The following SPAG16 variants were observed in gnomAD, a reference collection of about 807,000 sequenced individuals.
The protein encoded by SPAG16 is sperm-associated antigen 16 protein.
SPAG16 carries 86 observed loss-of-function variants against 80.4 expected under a neutral mutation model. That is an observed-to-expected ratio of 1.07 (90% confidence interval 0.90 to 1.28). SPAG16 has a LOEUF of 1.28. Ranked by LOEUF, SPAG16 falls within the 50% of genes most tolerant of loss-of-function variation. The pLI is 0.00. For missense variants in SPAG16, 870 were observed against 765.3 expected (o/e 1.14, Z -1.61); for synonymous variants, 294 against 265.9 (o/e 1.11, Z -1.03).
In SPAG16 at chr2:213,533,534, G is replaced by A. The variant is rs184219905; in HGVS notation, c.1070+43444G>A. Among the ~76,000 whole-genome samples, 21 of 152,180 alleles carry A rather than the reference G, an allele frequency of 1.4e-4. No individual in the cohort carries two copies. The East Asian group carries it at 1.5e-3, about 11-fold the overall frequency. ...TTTGACATCCTCTTACTGAATTTGC[G>A]TGTTGTGAACCGAATGGTACCATAG... is the stretch of plus-strand genomic sequence containing the variant. On this transcript the variant is annotated intron_variant, in intron 10 of 15. Coordinates refer to ENST00000331683, the MANE Select transcript of SPAG16 (RefSeq NM_024532.5).
intron 15 of SPAG16, among the ~76,000 whole-genome samples, chr2:214,308,452 G>T (rs1695074852): frequency 6.6e-6 from 1 of 152,114 alleles, no homozygotes; most frequent in Non-Finnish European, 1.5e-5. Flanking sequence ...TTATTTTGCA[G>T]ATTTGTTTAT....
chr2:214,314,609 C>T (rs147270295), intron 15 of SPAG16, among the ~76,000 whole-genome samples: 27 of 152,148 alleles, frequency 1.8e-4, no homozygotes, highest in African/African-American at 6.5e-4. Flanking sequence ...GGAATGACTG[C>T]TTTTAGGATA....
intron 12 of SPAG16, among the ~76,000 whole-genome samples, chr2:213,936,411 G>T (rs938805099): frequency 9.9e-5 from 15 of 152,170 alleles, no homozygotes; most frequent in African/African-American, 3.6e-4. Context: ...ACTCTAATAA[G>T]ATGACTCTGG....
At chr2:213,381,367 C>T (rs1198190488) in intron 9 of SPAG16, among the ~76,000 whole-genome samples, 3 of 152,136 alleles carry the variant, frequency 2.0e-5, no homozygotes, top group African/African-American at 7.2e-5. Flanking sequence ...AACACTGACC[C>T]TTCTAAAATG....
chr2:214,066,719 T>C (rs938687070), intron 13 of SPAG16, among the ~76,000 whole-genome samples: 1 of 151,920 alleles, frequency 6.6e-6, no homozygotes, highest in Non-Finnish European at 1.5e-5. Context: ...AGAATAAAGA[T>C]AGCAAAGAAA....
intron 5 of SPAG16, among the ~76,000 whole-genome samples, chr2:213,333,115 A>G (rs1175370361): frequency 6.6e-6 from 1 of 152,124 alleles, no homozygotes; most frequent in East Asian, 1.9e-4. Flanking sequence ...GGAAAAACCT[A>G]AAGTATCCAC....
At chr2:213,853,080 T>G (rs2074986681) in intron 10 of SPAG16, among the ~76,000 whole-genome samples, 1 of 148,034 alleles carries the variant, frequency 6.8e-6, no homozygotes, top group Non-Finnish European at 1.5e-5. Flanking sequence ...GGGCACACAT[T>G]TTGATACGGA....
At chr2:213,449,942 C>T (rs1041294413) in intron 9 of SPAG16, among the ~76,000 whole-genome samples, 2 of 151,726 alleles carry the variant, frequency 1.3e-5, no homozygotes, top group African/African-American at 4.8e-5. Context: ...TTTTATTTTC[C>T]ACCAACATAT....
At chr2:214,402,822 A>T (rs1434005875) in intron 15 of SPAG16, among the ~76,000 whole-genome samples, 1 of 152,050 alleles carries the variant, frequency 6.6e-6, no homozygotes, top group Non-Finnish European at 1.5e-5. Context: ...GATTCTTGGA[A>T]TCAATAGATG....
chr2:213,591,096 A>G (rs961795997), intron 10 of SPAG16, among the ~76,000 whole-genome samples: 17 of 152,232 alleles, frequency 1.1e-4, no homozygotes, highest in African/African-American at 4.1e-4. Flanking sequence ...CATTGGGTAC[A>G]CATGAACATA....
chr2:213,901,318 G>A (rs1447928737), intron 11 of SPAG16, among the ~76,000 whole-genome samples: 1 of 152,128 alleles, frequency 6.6e-6, no homozygotes, highest in East Asian at 1.9e-4. Context: ...TGAAAGAAAT[G>A]GTCTCAGACT....
intron 15 of SPAG16, among the ~76,000 whole-genome samples, chr2:214,270,583 A>T (rs982629786): frequency 1.3e-5 from 2 of 152,070 alleles, no homozygotes; most frequent in Non-Finnish European, 2.9e-5. Context: ...CCTTCAGTCA[A>T]CCTATGGCTT....
chr2:213,735,340 C>T (rs1279186577), intron 10 of SPAG16, among the ~76,000 whole-genome samples: 2 of 151,998 alleles, frequency 1.3e-5, no homozygotes, highest in African/African-American at 4.8e-5. Context: ...ATAATAGCAC[C>T]CGAATTGGTG....
At chr2:213,601,699 T>A (rs1254799407) in intron 10 of SPAG16, among the ~76,000 whole-genome samples, 1 of 152,242 alleles carries the variant, frequency 6.6e-6, no homozygotes, top group Non-Finnish European at 1.5e-5. Context: ...CAACATCATA[T>A]TTTACTGTAC....
intron 10 of SPAG16, among the ~76,000 whole-genome samples, chr2:213,828,942 C>T (rs1416649218): frequency 6.6e-6 from 1 of 152,162 alleles, no homozygotes; most frequent in Middle Eastern, 3.2e-3. Flanking sequence ...CACAATCACC[C>T]CTGTGGCTAC....
At chr2:213,700,228 A>T (rs551739088) in intron 10 of SPAG16, among the ~76,000 whole-genome samples, 1 of 152,296 alleles carries the variant, frequency 6.6e-6, no homozygotes, top group African/African-American at 2.4e-5. Flanking sequence ...TAAAAAAAAA[A>T]AACAAATAAT....
intron 9 of SPAG16, among the ~76,000 whole-genome samples, chr2:213,473,370 T>A (rs1319793870): frequency 6.6e-6 from 1 of 152,224 alleles, no homozygotes. Flanking sequence ...GTTCCTACTA[T>A]TAGATCTGAC....
At chr2:214,340,619 G>T (rs1186643723) in intron 15 of SPAG16, among the ~76,000 whole-genome samples, 1 of 152,142 alleles carries the variant, frequency 6.6e-6, no homozygotes, top group Non-Finnish European at 1.5e-5. Flanking sequence ...TATGTTGCTT[G>T]GTTCTTCCTC....
At chr2:213,904,249 A>T (rs1006248205) in intron 11 of SPAG16, among the ~76,000 whole-genome samples, 2 of 152,196 alleles carry the variant, frequency 1.3e-5, no homozygotes, top group Admixed American at 6.5e-5. Flanking sequence ...AAAGCTACTG[A>T]TAAAGACATA....
Sources: gnomAD v4.1 joint callset for allele counts (sites outside exome capture counted in the v4.1 genomes callset) on GRCh38, gnomAD v4.1.1 for gene constraint, MANE v1.5 for transcripts, NCBI Gene and HGNC (gene_info 2026-07-23, HGNC 2026-07-21) for gene names.